Variants in PDE4D observed in about 807,000 individuals in gnomAD.
PDE4D encodes 3',5'-cyclic-AMP phosphodiesterase 4D.
In PDE4D, 24 loss-of-function variants were observed where a neutral mutation model predicts 87.4. The ratio of observed to expected loss-of-function variants is 0.27; its 90% CI spans 0.20 to 0.39. PDE4D has a LOEUF of 0.39. Among genes scored for constraint, PDE4D ranks in the 10% least tolerant of loss-of-function variants. PDE4D has a pLI of 1.00. For synonymous variants in PDE4D, 384 were observed against 383.2 expected (o/e 1.00, Z -0.02); for missense variants, 714 against 1,041.0 (o/e 0.69, Z 4.32).
intron 2 of PDE4D, among the ~76,000 whole-genome samples, chr5:60,152,250 A>C (rs1210172456): frequency 6.6e-6 from 1 of 152,148 alleles, no homozygotes; most frequent in Non-Finnish European, 1.5e-5. Context: ...CTTTAGAATC[A>C]AGGTAACATT....
intron 13 of PDE4D, 39 bp downstream of exon 13, chr5:58,976,310 CA>C (rs1306361957): frequency 1.2e-6 from 2 of 1,604,100 alleles, no homozygotes; most frequent in Non-Finnish European, 1.7e-6. Flanking sequence ...CACATGTGCA[CA>C]GACACACACA....
intron 2 of PDE4D, among the ~76,000 whole-genome samples, chr5:60,053,550 T>C (rs1053407676): frequency 6.6e-6 from 1 of 152,112 alleles, no homozygotes; most frequent in Non-Finnish European, 1.5e-5. Context: ...TCAAGATGGA[T>C]TAAAGACTTA....
At chr5:59,858,890 G>A (rs888113108) in intron 1 of PDE4D, among the ~76,000 whole-genome samples, 3 of 152,124 alleles carry the variant, frequency 2.0e-5, no homozygotes, top group African/African-American at 7.2e-5. Context: ...TAACAAGAAT[G>A]AATGTAAGTT....
At chr5:59,755,866 A>C (rs1042242756) in intron 1 of PDE4D, among the ~76,000 whole-genome samples, 2 of 151,374 alleles carry the variant, frequency 1.3e-5, no homozygotes, top group Admixed American at 6.6e-5. Context: ...AAAAAAAAAA[A>C]CCAAAAAACT....
intron 1 of PDE4D, among the ~76,000 whole-genome samples, chr5:59,391,816 C>T (rs1788295276): frequency 6.6e-6 from 1 of 151,858 alleles, no homozygotes; most frequent in Admixed American, 6.6e-5. Context: ...TCTTTCCTAA[C>T]ACCACTTAAA....
intron 1 of PDE4D, among the ~76,000 whole-genome samples, chr5:59,705,458 C>T (rs1215535585): frequency 6.6e-6 from 1 of 152,146 alleles, no homozygotes; most frequent in African/African-American, 2.4e-5. Flanking sequence ...TTATTCCCTA[C>T]ACTTCTCACT....
At chr5:60,449,019 T>C (rs1745871072) in intron 1 of PDE4D, among the ~76,000 whole-genome samples, 1 of 151,604 alleles carries the variant, frequency 6.6e-6, no homozygotes, top group Non-Finnish European at 1.5e-5. Flanking sequence ...GTTTCTTTGG[T>C]TATTGTTTGT....
intron 1 of PDE4D, among the ~76,000 whole-genome samples, chr5:60,469,250 T>C (rs1336962948): frequency 6.6e-6 from 1 of 152,134 alleles, no homozygotes; most frequent in African/African-American, 2.4e-5. Context: ...GCCAAGTCCT[T>C]CTTAAGCCCT....
intron 1 of PDE4D, among the ~76,000 whole-genome samples, chr5:59,635,135 T>C (rs1832071502): frequency 6.6e-6 from 1 of 152,110 alleles, no homozygotes; most frequent in African/African-American, 2.4e-5. Context: ...CTAGAAAATC[T>C]AGAAGAAATG....
chr5:60,179,493 T>G (rs1582983699), intron 2 of PDE4D, among the ~76,000 whole-genome samples: 1 of 152,178 alleles, frequency 6.6e-6, no homozygotes, highest in Admixed American at 6.5e-5. Context: ...ATTTTTTGTT[T>G]GCTTTATTTT....
chr5:60,026,174 A>T (rs1364514240), intron 2 of PDE4D, among the ~76,000 whole-genome samples: 3 of 152,204 alleles, frequency 2.0e-5, no homozygotes, highest in Non-Finnish European at 2.9e-5. Context: ...CGAAACAAAG[A>T]TCACTATTCA....
chr5:60,414,411 C>T (rs896365171), intron 1 of PDE4D, among the ~76,000 whole-genome samples: 3 of 151,990 alleles, frequency 2.0e-5, no homozygotes, highest in African/African-American at 7.3e-5. Context: ...ATATGCATTG[C>T]CCATCCAGAG....
intron 3 of PDE4D, chr5:59,988,119 A>G (rs1247175295): frequency 5.9e-6 from 1 of 168,770 alleles, no homozygotes; most frequent in Non-Finnish European, 1.3e-5. Flanking sequence ...ATCAGTGAAC[A>G]TTTCCTATTG....
intron 1 of PDE4D, among the ~76,000 whole-genome samples, chr5:59,850,354 C>A (rs949464023): frequency 5.9e-5 from 9 of 151,990 alleles, no homozygotes; most frequent in African/African-American, 2.2e-4. Context: ...AATCATTATG[C>A]ACATCGGGTT....
intron 3 of PDE4D, among the ~76,000 whole-genome samples, chr5:59,969,011 A>C (rs1760399073): frequency 7.1e-6 from 1 of 140,894 alleles, no homozygotes; most frequent in Admixed American, 7.0e-5. Context: ...CGAAAAAAAG[A>C]GAAGCATCTT....
intron 1 of PDE4D, among the ~76,000 whole-genome samples, chr5:59,633,699 G>A (rs755721778): frequency 2.0e-5 from 3 of 152,070 alleles, no homozygotes; most frequent in Non-Finnish European, 4.4e-5. Context: ...GAGGGATTTC[G>A]TCCCCACCAG....
intron 5 of PDE4D, among the ~76,000 whole-genome samples, chr5:59,143,105 T>TTTCC (rs762439647): frequency 2.6e-5 from 4 of 151,860 alleles, no homozygotes; most frequent in South Asian, 2.1e-4. Flanking sequence ...TGTTTCCTTC[T>TTTCC]TTCCTTCCTT....
chr5:59,767,259 T>C (rs1437585666), intron 1 of PDE4D, among the ~76,000 whole-genome samples: 2 of 152,166 alleles, frequency 1.3e-5, no homozygotes, highest in African/African-American at 2.4e-5. Flanking sequence ...TCATTCTTTT[T>C]TGTTATGTTT....
chr5:60,202,071 G>A (rs554186795), intron 1 of PDE4D, among the ~76,000 whole-genome samples: 4 of 152,156 alleles, frequency 2.6e-5, no homozygotes, highest in Non-Finnish European at 4.4e-5. Flanking sequence ...ATATGTGAAC[G>A]TTTTATTTCT....
Sources: gnomAD v4.1 joint callset for allele counts (sites outside exome capture counted in the v4.1 genomes callset) on GRCh38, gnomAD v4.1.1 for gene constraint, MANE v1.5 for transcripts, NCBI Gene and HGNC (gene_info 2026-07-23, HGNC 2026-07-21) for gene names.